Variants in CDH13 observed in about 807,000 individuals in gnomAD.
The protein encoded by CDH13 is cadherin 13.
A neutral mutation model predicts 63.8 loss-of-function variants in CDH13; 24 were observed. That is an observed-to-expected ratio of 0.38 (90% CI 0.27 to 0.53). CDH13 has a LOEUF of 0.53. Among genes scored for constraint, CDH13 ranks in the 20% least tolerant of loss-of-function variants. The probability of loss-of-function intolerance (pLI) is 0.85; values close to 1 mark genes in which losing one functional copy is unlikely to be tolerated. For synonymous variants in CDH13, 503 were observed against 355.3 expected, an observed-to-expected ratio of 1.42 and a Z score of -4.67; for missense variants, 1,049 against 903.1, an observed-to-expected ratio of 1.16 and a Z score of -2.07.
intron 10 of CDH13, among the ~76,000 whole-genome samples, chr16:83,696,772 A>G (rs977304853): frequency 6.6e-6 from 1 of 152,212 alleles, no homozygotes; most frequent in Non-Finnish European, 1.5e-5. Flanking sequence ...TCGTTCACCC[A>G]GATGACAATA....
At chr16:82,977,339 A>T (rs1038190805) in intron 2 of CDH13, among the ~76,000 whole-genome samples, 5 of 152,226 alleles carry the variant, frequency 3.3e-5, no homozygotes, top group Non-Finnish European at 7.4e-5. Flanking sequence ...TCATTTTACC[A>T]TCAGCATTAA....
At chr16:82,662,890 C>T (rs1025524851) in intron 1 of CDH13, among the ~76,000 whole-genome samples, 2 of 111,316 alleles carry the variant, frequency 1.8e-5, no homozygotes, top group Non-Finnish European at 4.5e-5. Context: ...GCCTGTGTGT[C>T]TGGTACCCTT....
chr16:82,970,763 T>G (rs1035105369), intron 2 of CDH13, among the ~76,000 whole-genome samples: 8 of 152,178 alleles, frequency 5.3e-5, no homozygotes, highest in Admixed American at 4.6e-4. Context: ...AGTGCTGTAT[T>G]TACCAAAGTC....
intron 4 of CDH13, among the ~76,000 whole-genome samples, chr16:83,209,908 G>C (rs934679567): frequency 6.6e-6 from 1 of 152,108 alleles, no homozygotes; most frequent in Non-Finnish European, 1.5e-5. Context: ...GAGTAGGTGG[G>C]GGATGGCCAT....
intron 5 of CDH13, among the ~76,000 whole-genome samples, chr16:83,286,769 TGTATATATATATATTTATATATATATAC>T (rs2089326024): frequency 2.1e-5 from 2 of 94,454 alleles, no homozygotes; most frequent in African/African-American, 6.4e-5. Flanking sequence ...AAAAAAAAAA[TGTATATATATATATTTATATATATATAC>T]ACACACACAT....
At chr16:83,683,972 T>C (rs1904279154) in intron 10 of CDH13, among the ~76,000 whole-genome samples, 1 of 152,222 alleles carries the variant, frequency 6.6e-6, no homozygotes. Flanking sequence ...GCTTCCACTT[T>C]CAGCGTAGCA....
rs973710613 is a variant in CDH13, at chr16:83,171,602, T to A, written c.484-45743T>A. 4.7e-6 allele frequency: 7 copies of A among 1,497,098 alleles called. No homozygotes were observed. In the African/African-American group the frequency reaches 6.9e-5, roughly 15 times the overall value. 92.7% of individuals were successfully genotyped at this position (1,497,098 alleles called of 1,614,324 possible). A position where few individuals can be genotyped will look rare whatever the true frequency, so the allele number is the denominator to read the frequency against. ...CAGGAAATTTTGAAATATCTGTGTC[T>A]CTATCTTCATTTCCTTGTTTGTGTC... On this transcript the variant is annotated intron_variant, in intron 4 of 13. Coordinates refer to ENST00000567109, the MANE Select transcript of CDH13 (RefSeq NM_001257.5).
At chr16:83,243,114 A>G (rs1242504277) in intron 5 of CDH13, among the ~76,000 whole-genome samples, 1 of 152,190 alleles carries the variant, frequency 6.6e-6, no homozygotes, top group Non-Finnish European at 1.5e-5. Flanking sequence ...TCCAGTGTCC[A>G]GGCTATTAAC....
intron 2 of CDH13, among the ~76,000 whole-genome samples, chr16:82,919,552 A>C (rs1361082310): frequency 6.6e-6 from 1 of 152,200 alleles, no homozygotes; most frequent in African/African-American, 2.4e-5. Context: ...GTTCTTTTCT[A>C]TGGCTGCATA....
At chr16:82,819,862 A>G (rs910324319) in intron 1 of CDH13, among the ~76,000 whole-genome samples, 3 of 152,220 alleles carry the variant, frequency 2.0e-5, no homozygotes, top group Non-Finnish European at 2.9e-5. Context: ...AATAAGTCAC[A>G]TAGTATTTTA....
chr16:83,295,484 A>G (rs910789399), intron 5 of CDH13, among the ~76,000 whole-genome samples: 1 of 152,182 alleles, frequency 6.6e-6, no homozygotes, highest in Admixed American at 6.5e-5. Context: ...ATAAAATAGA[A>G]AAAACAATGA....
At chr16:83,580,128 C>G (rs892939003) in intron 7 of CDH13, among the ~76,000 whole-genome samples, 1 of 152,052 alleles carries the variant, frequency 6.6e-6, no homozygotes, top group African/African-American at 2.4e-5. Context: ...ATGGTGCTGT[C>G]CACAGAGTTT....
intron 8 of CDH13, among the ~76,000 whole-genome samples, chr16:83,661,047 A>G (rs1240257703): frequency 7.2e-6 from 1 of 139,780 alleles, no homozygotes; most frequent in African/African-American, 2.8e-5. Context: ...TAGCAGCAAA[A>G]CTTTTTTTTT....
At chr16:83,158,100 C>T (rs2037290877) in intron 4 of CDH13, among the ~76,000 whole-genome samples, 1 of 152,060 alleles carries the variant, frequency 6.6e-6, no homozygotes, top group Non-Finnish European at 1.5e-5. Flanking sequence ...CTGTCTCAGG[C>T]ACTGAGCTAG....
At chr16:82,942,970 G>A (rs576132350) in intron 2 of CDH13, among the ~76,000 whole-genome samples, 6 of 152,226 alleles carry the variant, frequency 3.9e-5, no homozygotes, top group African/African-American at 1.4e-4. Flanking sequence ...TACCTCCTTG[G>A]AAAAGCTGAA....
At chr16:82,963,767 G>A (rs954224236) in intron 2 of CDH13, among the ~76,000 whole-genome samples, 1 of 152,144 alleles carries the variant, frequency 6.6e-6, no homozygotes, top group Non-Finnish European at 1.5e-5. Flanking sequence ...TTAGTGACAT[G>A]CATGAAGTAC....
intron 8 of CDH13, among the ~76,000 whole-genome samples, chr16:83,633,127 C>A (rs2056875701): frequency 6.6e-6 from 1 of 152,166 alleles, no homozygotes. Flanking sequence ...GTTTTATCAG[C>A]AAGGTCTTCC....
At chr16:83,571,157 A>C (rs1439336919) in intron 7 of CDH13, among the ~76,000 whole-genome samples, 2 of 151,918 alleles carry the variant, frequency 1.3e-5, no homozygotes, top group Non-Finnish European at 2.9e-5. Flanking sequence ...TTACCAGACT[A>C]TCAGGGAGAA....
At chr16:82,824,389 T>A (rs747970251) in intron 1 of CDH13, 9 of 151,778 alleles carry the variant, frequency 5.9e-5, no homozygotes, top group Non-Finnish European at 1.2e-4. Context: ...ATGAAGAGAG[T>A]TTCTCTTTCT....
Sources: gnomAD v4.1 joint callset for allele counts (sites outside exome capture counted in the v4.1 genomes callset) on GRCh38, gnomAD v4.1.1 for gene constraint, MANE v1.5 for transcripts, NCBI Gene and HGNC (gene_info 2026-07-23, HGNC 2026-07-21) for gene names.